The following ADGRV1 variants were observed in gnomAD, a reference collection of about 807,000 sequenced individuals.
ADGRV1 encodes adhesion G protein-coupled receptor V1, also known as G-protein coupled receptor 98.
In ADGRV1, 359 loss-of-function variants were observed where a neutral mutation model predicts 596.2. The ratio of observed to expected loss-of-function variants is 0.60; its 90% CI spans 0.55 to 0.66. The LOEUF (loss-of-function observed/expected upper bound fraction) is 0.66, where lower values mean the gene tolerates loss of function less well. Among genes scored for constraint, ADGRV1 ranks in the 30% least tolerant of loss-of-function variants. ADGRV1 has a pLI of 0.00. For missense variants in ADGRV1, 7,274 were observed against 7,575.6 expected (o/e 0.96, Z 1.48); for synonymous variants, 2,681 against 2,679.2 (o/e 1.00, Z -0.02).
chr5:91,072,378 G>A, intron 85 of ADGRV1, 69 bp from the exon 86 acceptor site: 1 of 1,320,436 alleles, frequency 7.6e-7, no homozygotes, highest in South Asian at 1.2e-5. Context: ...GTAGTGATGT[G>A]ATACATTCTG....
chr5:90,632,625 ACTCTG>A (rs955222637), intron 9 of ADGRV1, among the ~76,000 whole-genome samples: 1 of 152,170 alleles, frequency 6.6e-6, no homozygotes, highest in Non-Finnish European at 1.5e-5. Flanking sequence ...TATCTTAGCT[ACTCTG>A]CTTCAGCATT....
chr5:90,985,222 A>G, intron 84 of ADGRV1, 122 bp from the exon 85 acceptor site: 1 of 553,726 alleles, frequency 1.8e-6, no homozygotes, highest in Non-Finnish European at 3.0e-6. Context: ...TAAAAAAATC[A>G]AAACTAATTA....
chr5:90,976,987 A>G (rs1188817186), intron 84 of ADGRV1, among the ~76,000 whole-genome samples: 3 of 152,190 alleles, frequency 2.0e-5, no homozygotes, highest in African/African-American at 7.2e-5. Flanking sequence ...TTATTTTCTC[A>G]ATATAACCAG....
chr5:90,883,411 C>A (rs190214388), intron 83 of ADGRV1, among the ~76,000 whole-genome samples: 8 of 152,194 alleles, frequency 5.3e-5, no homozygotes, highest in Admixed American at 2.0e-4. Context: ...GGTATAAAAT[C>A]CAGTAGTGAG....
At chr5:90,914,094 C>CA (rs1389970858) in intron 83 of ADGRV1, among the ~76,000 whole-genome samples, 1 of 152,092 alleles carries the variant, frequency 6.6e-6, no homozygotes, top group East Asian at 1.9e-4. Context: ...ATCCCTTATC[C>CA]AAAATGCTTG....
At chr5:90,797,220 C>T (rs1161203168) in intron 70 of ADGRV1, among the ~76,000 whole-genome samples, 7 of 137,884 alleles carry the variant, frequency 5.1e-5, no homozygotes, top group African/African-American at 1.9e-4. Flanking sequence ...AGACCCATCT[C>T]ATGTGCAGAG....
At chr5:91,112,185 C>G (rs1231096838) in intron 87 of ADGRV1, among the ~76,000 whole-genome samples, 19 of 152,176 alleles carry the variant, frequency 1.2e-4, no homozygotes, top group Non-Finnish European at 2.8e-4. Flanking sequence ...GTGTCAAGGT[C>G]TGATCTGCCA....
At chr5:90,827,557 G>A (rs1031586143) in intron 76 of ADGRV1, among the ~76,000 whole-genome samples, 6 of 152,146 alleles carry the variant, frequency 3.9e-5, no homozygotes, top group South Asian at 4.2e-4. Context: ...GTAATATACC[G>A]AAATCCTTAG....
chr5:90,569,397 T>A (rs1384153971), intron 1 of ADGRV1, among the ~76,000 whole-genome samples: 35 of 112,708 alleles, frequency 3.1e-4, no homozygotes, highest in African/African-American at 1.1e-3. Flanking sequence ...ATTTTTTTTT[T>A]TTTTTTTTTT....
chr5:90,591,204 C>A (rs1057113774), intron 1 of ADGRV1, among the ~76,000 whole-genome samples: 2 of 152,086 alleles, frequency 1.3e-5, no homozygotes, highest in African/African-American at 4.8e-5. Context: ...CTAGCCTGAG[C>A]AACGTGGTGA....
In ADGRV1 at chr5:90,627,794, T is replaced by C. The variant is rs1458002099; in HGVS notation, c.1238+18T>C. The C allele has an allele frequency of 7.4e-7, 1 of 1,349,616 alleles. No homozygotes were observed. Among genetic ancestry groups the C allele is most frequent in the Non-Finnish European group, 1.0e-6 (1 of 1,001,788 alleles). 83.6% of individuals were successfully genotyped at this position (1,349,616 alleles called of 1,614,324 possible). Reference sequence around the variant, plus strand: ...ATATCAAGGTATGATTTATTTTAAATATATTGCTACCATTATTTTATTATA... The same window carrying C: ...ATATCAAGGTATGATTTATTTTAAACATATTGCTACCATTATTTTATTATA... On this transcript the variant is annotated intron_variant, in intron 7 of 89. Transcript: ENST00000405460.
At chr5:90,781,700 A>G (rs1758873950) in intron 65 of ADGRV1, 122 bp downstream of exon 65, 2 of 799,070 alleles carry the variant, frequency 2.5e-6, no homozygotes, top group Non-Finnish European at 3.9e-6. Flanking sequence ...GTTTACACAT[A>G]TACACTTTTA....
At position 91,020,522 on chromosome 5, in the gene ADGRV1, A is replaced by G. The variant is rs78847348; in HGVS notation, c.18152+35000A>G. Among the ~76,000 whole-genome samples, 506 of 152,150 alleles carry G rather than the reference A, an allele frequency of 3.3e-3. 2 individuals carry two copies. Among genetic ancestry groups the G allele is most frequent in the African/African-American group, 0.012 (485 of 41,546 alleles). ...GGACCTTAATGACTTGCACCAGGTTACATCACTAGGAAATGACAGAGTCAG... is the reference window on the plus strand; with the variant it reads ...GGACCTTAATGACTTGCACCAGGTTGCATCACTAGGAAATGACAGAGTCAG... On this transcript the variant is annotated intron_variant, in intron 85 of 89. Coordinates refer to ENST00000405460, the MANE Select transcript of ADGRV1 (RefSeq NM_032119.4).
chr5:90,788,191 A>G lies in ADGRV1; in HGVS notation c.13774A>G (p.Ile4592Val), dbSNP rs750727445. The stretch of plus-strand genomic sequence containing the variant: ...AGAAGGAGAAGGAGGAGTGAGAACC[A>G]TAATTCTGACAATCTATCCTCATGA... Reference protein sequence around the residue: ...FGEGEGGVRTIILTIYPHEEI... With the variant: ...FGEGEGGVRTVILTIYPHEEI... Residue 4592 changes from isoleucine to valine, a missense_variant, in exon 68 of 90, where the codon ATA (isoleucine) becomes GTA (valine). This residue lies in a region of ADGRV1 where 3,643 missense variants were observed against 3,809.2 expected (regional missense o/e 0.96). Coordinates refer to ENST00000405460, the MANE Select transcript of ADGRV1 (RefSeq NM_032119.4). The G allele has an allele frequency of 4.3e-6, 7 of 1,613,862 alleles. No individual in the cohort carries two copies. The South Asian group carries it at 6.6e-5, about 15-fold the overall frequency.
intron 1 of ADGRV1, among the ~76,000 whole-genome samples, chr5:90,562,496 C>T (rs1417455538): frequency 6.6e-6 from 1 of 152,110 alleles, no homozygotes. Context: ...AATACAAAGG[C>T]TGTGTTTTCC....
In ADGRV1 at chr5:90,823,519, C is replaced by T; in HGVS notation, c.16291C>T (p.Gln5431Ter). ...KDGVNLVEEL[Q>*]SVSGTTTCTM... ...TGGGGTAAACCTGGTGGAGGAACTT[C>T]AGTCTGTGTCAGGGACCACAACCTG... Residue 5431 changes from glutamine (Q) to a stop codon, truncating the protein, a stop_gained, in exon 76 of 90, where the codon CAG (glutamine) becomes TAG (stop). Transcript: ENST00000405460. LOFTEE classifies it high-confidence loss of function. 6.2e-7 allele frequency: 1 copy of T among 1,613,938 alleles called. No individual in the cohort carries two copies. Among genetic ancestry groups the T allele is most frequent in the Non-Finnish European group, 8.5e-7 (1 of 1,179,822 alleles).
intron 58 of ADGRV1, chr5:90,759,793 C>T (rs543653640): frequency 9.8e-6 from 5 of 509,954 alleles, no homozygotes; most frequent in African/African-American, 4.0e-5. Flanking sequence ...GTTGAATTCC[C>T]GTCTCTACTG....
chr5:90,996,743 G>A (rs1781451658), intron 85 of ADGRV1, among the ~76,000 whole-genome samples: 1 of 152,228 alleles, frequency 6.6e-6, no homozygotes, highest in African/African-American at 2.4e-5. Context: ...AAGCAGCTGT[G>A]GAGGCTGTAC....
intron 59 of ADGRV1, among the ~76,000 whole-genome samples, chr5:90,771,230 A>G (rs549949347): frequency 2.0e-5 from 3 of 151,980 alleles, no homozygotes; most frequent in African/African-American, 7.2e-5. Flanking sequence ...CTCCTTTACT[A>G]TCTTCGCAAT....
Sources: gnomAD v4.1 joint callset for allele counts (sites outside exome capture counted in the v4.1 genomes callset) on GRCh38, gnomAD v4.1.1 for gene constraint, gnomAD v4.1.1 regional missense constraint, MANE v1.5 for transcripts, NCBI Gene and HGNC (gene_info 2026-07-23, HGNC 2026-07-21) for gene names.